GTF2IRD1: variants seen among roughly 807,000 people sequenced by gnomAD.
GTF2IRD1 encodes the protein general transcription factor II-I repeat domain-containing protein 1.
In GTF2IRD1, 26 loss-of-function variants were observed where a neutral mutation model predicts 113.2. That is an observed-to-expected ratio of 0.23 (90% CI 0.17 to 0.32). GTF2IRD1 has a LOEUF of 0.32. GTF2IRD1 is among the 10% of genes least tolerant of loss of function. The pLI is 1.00. For synonymous variants in GTF2IRD1, 484 were observed against 529.1 expected (o/e 0.91, Z 1.17); for missense variants, 864 against 1,280.8 (o/e 0.67, Z 4.97).
chr7:74,571,515 C>G (rs1315301219), intron 22 of GTF2IRD1, among the ~76,000 whole-genome samples: 2 of 152,198 alleles, frequency 1.3e-5, no homozygotes, highest in South Asian at 2.1e-4. Context: ...ATCCCCACAT[C>G]GTCTCCTCTG....
intron 5 of GTF2IRD1, among the ~76,000 whole-genome samples, chr7:74,518,793 C>T (rs1351921663): frequency 1.3e-5 from 2 of 152,094 alleles, no homozygotes; most frequent in Non-Finnish European, 2.9e-5. Flanking sequence ...GAGGCTGAGG[C>T]AGGAGGCTTG....
chr7:74,556,367 C>T (rs1323325801), intron 19 of GTF2IRD1, among the ~76,000 whole-genome samples: 1 of 151,838 alleles, frequency 6.6e-6, no homozygotes, highest in Non-Finnish European at 1.5e-5. Context: ...GTTGCCCAGG[C>T]TGGAGTGCAA....
intron 1 of GTF2IRD1, among the ~76,000 whole-genome samples, chr7:74,469,785 C>T (rs1196582494): frequency 1.3e-5 from 2 of 151,904 alleles, no homozygotes; most frequent in Non-Finnish European, 2.9e-5. Flanking sequence ...CTCACTGCAG[C>T]CTCAAACTCC....
chr7:74,553,869 C>A (rs1289820504), intron 17 of GTF2IRD1, among the ~76,000 whole-genome samples: 2 of 152,148 alleles, frequency 1.3e-5, no homozygotes, highest in Non-Finnish European at 2.9e-5. Context: ...AGAGGAGGGG[C>A]CTAAATGCAG....
intron 1 of GTF2IRD1, among the ~76,000 whole-genome samples, chr7:74,490,092 G>T (rs548562938): frequency 6.6e-6 from 1 of 151,838 alleles, no homozygotes; most frequent in East Asian, 2.0e-4. Flanking sequence ...TCAGCACCCC[G>T]AGTAGCTGGG....
intron 2 of GTF2IRD1, among the ~76,000 whole-genome samples, chr7:74,508,632 A>G (rs1796436054): frequency 6.6e-6 from 1 of 150,420 alleles, no homozygotes; most frequent in South Asian, 2.1e-4. Flanking sequence ...TGGAGGTTGC[A>G]GTGAGCCGAG....
At chr7:74,523,919 G>A (rs754724575) in intron 7 of GTF2IRD1, 152 bp from the exon 8 acceptor site, 160 of 633,304 alleles carry the variant, frequency 2.5e-4, no homozygotes, top group Middle Eastern at 3.7e-4. Context: ...CCCTGAATTC[G>A]TGTATGGTCC....
chr7:74,484,404 C>G (rs1175117846), intron 1 of GTF2IRD1, among the ~76,000 whole-genome samples: 1 of 151,982 alleles, frequency 6.6e-6, no homozygotes, highest in Non-Finnish European at 1.5e-5. Context: ...GTCTCAGCCT[C>G]CCAAAGTACT....
chr7:74,545,596 T>A, intron 15 of GTF2IRD1, 148 bp from the exon 16 acceptor site: 1 of 654,396 alleles, frequency 1.5e-6, no homozygotes. Flanking sequence ...GTGCCATTTC[T>A]GAGGAAATAA....
intron 1 of GTF2IRD1, among the ~76,000 whole-genome samples, chr7:74,462,507 C>T (rs920333044): frequency 1.3e-5 from 2 of 152,238 alleles, no homozygotes; most frequent in African/African-American, 4.8e-5. Context: ...ACACGGGTAG[C>T]TGGTCCCTTC....
rs111225951 is a variant in GTF2IRD1 at position 74,512,742 on chromosome 7, G to A, written c.124-88G>A. On this transcript the variant is annotated intron_variant, in intron 2 of 26. Coordinates refer to ENST00000424337, the MANE Select transcript of GTF2IRD1 (RefSeq NM_005685.4). The surrounding 1 kb of genome is among the most constrained non-coding windows in gnomAD (Gnocchi z 4.4). Reference sequence around the variant, plus strand: ...CTGCTGCTGGGGTCTCAGGCAGCTGGGAGCTCACATCCCACCCCCGAAGTG... The same window carrying A: ...CTGCTGCTGGGGTCTCAGGCAGCTGAGAGCTCACATCCCACCCCCGAAGTG... 2,915 of 1,286,862 alleles carry A rather than the reference G, an allele frequency of 2.3e-3. 58 individuals carry two copies. The African/African-American group carries it at 0.037, about 16-fold the overall frequency. 79.7% of individuals were successfully genotyped at this position (1,286,862 alleles called of 1,614,324 possible).
chr7:74,548,031 G>T (rs1799061808), intron 17 of GTF2IRD1, among the ~76,000 whole-genome samples: 1 of 152,150 alleles, frequency 6.6e-6, no homozygotes, highest in East Asian at 1.9e-4. Context: ...GCTTCTACAG[G>T]CTGTTTCTGT....
intron 3 of GTF2IRD1, among the ~76,000 whole-genome samples, chr7:74,514,854 C>T (rs1016858771): frequency 2.0e-5 from 3 of 151,778 alleles, no homozygotes; most frequent in African/African-American, 7.3e-5. Flanking sequence ...GTCAGGAGTT[C>T]GAGACCAGCC....
At chr7:74,491,311 C>CTTTTTTTTTTT (rs1178298791) in intron 1 of GTF2IRD1, among the ~76,000 whole-genome samples, 1 of 95,690 alleles carries the variant, frequency 1.0e-5, no homozygotes, top group Non-Finnish European at 2.1e-5. Flanking sequence ...AAAAAAAATT[C>CTTTTTTTTTTT]TTTTTTTTTT....
At chr7:74,495,618 C>CT (rs1388214128) in intron 1 of GTF2IRD1, among the ~76,000 whole-genome samples, 1 of 152,128 alleles carries the variant, frequency 6.6e-6, no homozygotes, top group Non-Finnish European at 1.5e-5. Context: ...CATGGGGGCT[C>CT]TGACACCTCC....
In GTF2IRD1 at chr7:74,536,274, C is replaced by T. The variant is rs781852918; in HGVS notation, c.1408C>T (p.Arg470Trp). Reference sequence around the variant, plus strand: ...CGTCCTTGACCTTGCTGGGAATGCTCGGTGAGGCCCCGCCCCTGGCCCCGG... The same window carrying T: ...CGTCCTTGACCTTGCTGGGAATGCTTGGTGAGGCCCCGCCCCTGGCCCCGG... ...ATVLDLAGNA[R>W]SDKGSMSEDC... The change falls in exon 11 of 27, where the codon CGG becomes TGG. Residue 470 changes from arginine (R) to tryptophan (W), a missense_variant and splice_region_variant. Arg to Trp is a moderately radical substitution (Grantham distance 101, BLOSUM62 -3). Around this residue, in one of 7 missense-constraint regions of GTF2IRD1, gnomAD observed 218 missense variants for 352.6 expected, o/e 0.62. Transcript: ENST00000424337. 3.0e-5 allele frequency: 47 copies of T among 1,583,430 alleles called. No homozygotes were observed. Among genetic ancestry groups the T allele is most frequent in the Middle Eastern group, 1.7e-4 (1 of 6,010 alleles).
At chr7:74,571,010 A>C (rs1187809530) in intron 22 of GTF2IRD1, 4 of 767,480 alleles carry the variant, frequency 5.2e-6, no homozygotes, top group Non-Finnish European at 6.3e-6. Flanking sequence ...CCCCGGACCC[A>C]GGCCAGCTTC....
chr7:74,579,272 C>T (rs1384656116), intron 22 of GTF2IRD1, among the ~76,000 whole-genome samples: 4 of 152,024 alleles, frequency 2.6e-5, no homozygotes, highest in Non-Finnish European at 4.4e-5. Context: ...CGCACTACTG[C>T]ATGGGTGACA....
intron 24 of GTF2IRD1, among the ~76,000 whole-genome samples, chr7:74,593,189 C>T (rs1802168879): frequency 6.6e-6 from 1 of 151,210 alleles, no homozygotes; most frequent in South Asian, 2.1e-4. Flanking sequence ...ATAATATTTG[C>T]GTGTGTCAAA....
Sources: gnomAD v4.1 joint callset for allele counts (sites outside exome capture counted in the v4.1 genomes callset) on GRCh38, gnomAD v4.1.1 for gene constraint, gnomAD v4.1.1 regional missense constraint, Gnocchi (gnomAD v3.1) non-coding constraint, MANE v1.5 for transcripts, NCBI Gene and HGNC (gene_info 2026-07-23, HGNC 2026-07-21) for gene names.